The following ZNF197 variants were observed in gnomAD, a reference collection of about 807,000 sequenced individuals.
ZNF197 encodes zinc finger protein 197, also known as VHL-associated KRAB-A domain-containing protein.
Under a neutral mutation model 27.4 loss-of-function variants are expected in ZNF197, and 14 were observed. That is an observed-to-expected ratio of 0.51 (90% CI 0.34 to 0.80). ZNF197 has a LOEUF of 0.80. Among genes scored for constraint, ZNF197 ranks in the 30% least tolerant of loss-of-function variants. ZNF197 has a pLI of 0.02. For missense variants in ZNF197, 1,090 were observed against 1,222.6 expected, an observed-to-expected ratio of 0.89 and a Z score of 1.62; for synonymous variants, 415 against 420.0, an observed-to-expected ratio of 0.99 and a Z score of 0.15.
intron 1 of ZNF197, among the ~76,000 whole-genome samples, chr3:44,625,754 A>G (rs75260934): frequency 0.12 from 655 of 5,434 alleles, 3 homozygotes; most frequent in African/African-American, 0.17. Context: ...GCGCGCGCAC[A>G]CACACACACA....
chr3:44,628,288 T>C (rs1410013107), intron 1 of ZNF197, among the ~76,000 whole-genome samples: 1 of 152,238 alleles, frequency 6.6e-6, no homozygotes, highest in East Asian at 1.9e-4. Flanking sequence ...AAAAATGTTA[T>C]TTCTAAAGAG....
chr3:44,646,577 A>G lies in ZNF197; in HGVS notation c.*2357A>G, dbSNP rs190037367. 1,175 of 991,568 alleles carry G rather than the reference A, an allele frequency of 1.2e-3. 7 individuals carry two copies. The highest frequency in any genetic ancestry group is 2.8e-3 in the South Asian group (218 of 77,846). 61.4% of individuals were successfully genotyped at this position (991,568 alleles called of 1,614,324 possible). On this transcript the variant is annotated 3_prime_UTR_variant, in exon 6 of 6. Coordinates refer to ENST00000344387, the MANE Select transcript of ZNF197 (RefSeq NM_006991.5). The stretch of plus-strand genomic sequence containing the variant: ...CAGAACGTGGAATATTGCATAAGAA[A>G]GCTGCCCTGGATTCTTCAAAATATT...
intron 5 of ZNF197, among the ~76,000 whole-genome samples, chr3:44,635,477 G>A (rs1702232708): frequency 6.6e-6 from 1 of 152,114 alleles, no homozygotes; most frequent in African/African-American, 2.4e-5. Flanking sequence ...AGCAGAACAT[G>A]GTGTTTTGAC....
chr3:44,643,663 C>T lies in ZNF197; in HGVS notation c.2533C>T (p.Pro845Ser). 1 of 1,614,132 alleles carries T rather than the reference C, an allele frequency of 6.2e-7. No individual in the cohort carries two copies. The change falls in exon 6 of 6, where the codon CCC becomes TCC. Residue 845 changes from proline to serine, a missense_variant. Physicochemically the swap from Pro to Ser is moderately conservative, Grantham distance 74 (BLOSUM62 -1). Transcript: ENST00000344387. ...AHQRIHTGEKPYACSECGKGF... is the reference protein window; with the variant it reads ...AHQRIHTGEKSYACSECGKGF... ...TCAGAGGATCCATACTGGTGAGAAG[C>T]CCTATGCGTGTAGTGAGTGTGGAAA...
chr3:44,646,065 G>A lies in ZNF197; in HGVS notation c.*1845G>A. 1.0e-6 allele frequency: 1 copy of A among 985,376 alleles called. No homozygotes were observed. The highest frequency in any genetic ancestry group is 1.2e-6 in the Non-Finnish European group (1 of 829,926). 61.0% of individuals were successfully genotyped at this position (985,376 alleles called of 1,614,324 possible). On this transcript the variant is annotated 3_prime_UTR_variant, in exon 6 of 6. Coordinates refer to ENST00000344387, the MANE Select transcript of ZNF197 (RefSeq NM_006991.5). The stretch of plus-strand genomic sequence containing the variant: ...CAACCCCACAGTTTCTTGGGGGCTG[G>A]TTCCTCATTAGAGTGAAAGGTAGCC...
At chr3:44,638,913 C>T (rs1702452407) in intron 5 of ZNF197, among the ~76,000 whole-genome samples, 1 of 152,092 alleles carries the variant, frequency 6.6e-6, no homozygotes, top group African/African-American at 2.4e-5. Flanking sequence ...AGTGTCTCAC[C>T]ATGTTCCCCA....
rs1175586669 is a variant in ZNF197, at chr3:44,646,710, T to C, written c.*2490T>C. ...TTGTGTATGTATGAAAATTTCGATA[T>C]GAAAGGTATAAAACATGGATGAGGA... On this transcript the variant is annotated 3_prime_UTR_variant, in exon 6 of 6. Coordinates refer to ENST00000344387, the MANE Select transcript of ZNF197 (RefSeq NM_006991.5). 3.6e-6 allele frequency: 2 copies of C among 555,652 alleles called. No individual in the cohort carries two copies. Among genetic ancestry groups the C allele is most frequent in the Non-Finnish European group, 6.4e-6 (2 of 311,656 alleles). The allele number at this position is 555,652 out of a possible 1,614,324, so 34.4% of individuals were successfully genotyped here.
At chr3:44,638,883 T>A (rs941059217) in intron 5 of ZNF197, among the ~76,000 whole-genome samples, 4 of 152,156 alleles carry the variant, frequency 2.6e-5, no homozygotes, top group African/African-American at 9.7e-5. Context: ...TATTTTAATT[T>A]TATTTTTTTC....
In ZNF197 at chr3:44,644,878, TAAA is replaced by T. The variant is rs1702867672; in HGVS notation, c.*660_*662del. 1 of 965,496 alleles carries T rather than the reference TAAA, an allele frequency of 1.0e-6. No homozygotes were observed. Among genetic ancestry groups the T allele is most frequent in the Non-Finnish European group, 1.2e-6 (1 of 811,996 alleles). 59.8% of individuals were successfully genotyped at this position (965,496 alleles called of 1,614,324 possible). A position where few individuals can be genotyped will look rare whatever the true frequency, so the allele number is the denominator to read the frequency against. ...TAGTAAATAAAAATAAATTTATTAA[TAAA>T]ACTAAAAATTTAATAATAAAAAGTG... On this transcript the variant is annotated 3_prime_UTR_variant, in exon 6 of 6. Transcript: ENST00000344387.
rs1701830524 is a variant in ZNF197 at position 44,629,102 on chromosome 3, G to C, written c.-53G>C. On this transcript the variant is annotated 5_prime_UTR_variant, in exon 2 of 6. Coordinates refer to ENST00000344387, the MANE Select transcript of ZNF197 (RefSeq NM_006991.5). ...ATACTCTCCAAGCTGTAAGGAAGAA[G>C]TCAAGGATTAAGGAGACCTGGACTG... 5.8e-6 allele frequency: 9 copies of C among 1,541,502 alleles called. No individual in the cohort carries two copies. The highest frequency in any genetic ancestry group is 6.9e-6 in the Non-Finnish European group (8 of 1,152,088).
chr3:44,642,489 T>G lies in ZNF197; in HGVS notation c.1359T>G (p.Pro453=), dbSNP rs1702668642. 1.9e-6 allele frequency: 3 copies of G among 1,613,980 alleles called. 1 individual carries two copies. Among genetic ancestry groups the G allele is most frequent in the Admixed American group, 3.3e-5 (2 of 60,012 alleles). ...NHQRIHTGEK[P]YKCKECGKGF... ...AGAGGATCCACACTGGGGAGAAACC[T>G]TATAAGTGTAAGGAGTGTGGAAAGG... Residue 453 remains proline (P), a synonymous_variant, in exon 6 of 6, where the codon CCT becomes CCG. Transcript: ENST00000344387.
chr3:44,632,834 G>T (rs769911318), intron 5 of ZNF197, among the ~76,000 whole-genome samples: 1 of 152,084 alleles, frequency 6.6e-6, no homozygotes, highest in South Asian at 2.1e-4. Flanking sequence ...GTGTGTGTGT[G>T]TGTCTGTGCA....
intron 3 of ZNF197, among the ~76,000 whole-genome samples, 163 bp from the exon 4 acceptor site, chr3:44,631,942 C>A (rs2125800957): frequency 6.6e-6 from 1 of 152,158 alleles, no homozygotes; most frequent in East Asian, 1.9e-4. Context: ...ACCTTGGGAG[C>A]CACCCACCTC....
At chr3:44,632,020 A>T in intron 3 of ZNF197, 85 bp from the exon 4 acceptor site, 2 of 1,199,194 alleles carry the variant, frequency 1.7e-6, no homozygotes, top group Non-Finnish European at 2.5e-6. Context: ...TCTTACTGCT[A>T]CTCTTTGTGT....
At chr3:44,632,224 A>G (rs1211337670) in intron 4 of ZNF197, 28 bp downstream of exon 4, 1 of 1,610,438 alleles carries the variant, frequency 6.2e-7, no homozygotes, top group Middle Eastern at 1.7e-4. Flanking sequence ...TTTCCTTCCC[A>G]TCTGCACAGC....
Position 44,644,281 on chromosome 3 carries a change from T to C in ZNF197, c.*61T>C, listed in dbSNP as rs569908264. 4.3e-5 allele frequency: 65 copies of C among 1,520,734 alleles called. 1 individual carries two copies. In the South Asian group the frequency reaches 8.3e-4, roughly 19 times the overall value. 94.2% of individuals were successfully genotyped at this position (1,520,734 alleles called of 1,614,324 possible). On this transcript the variant is annotated 3_prime_UTR_variant, in exon 6 of 6. Transcript: ENST00000344387. ...TTAAGTAACTGTTGGACAAATGATA[T>C]ATATTTCTTCTAAGGAAAAAGTTTA...
At chr3:44,625,766 ACAC>A (rs1261425993) in intron 1 of ZNF197, among the ~76,000 whole-genome samples, 1 of 151,956 alleles carries the variant, frequency 6.6e-6, no homozygotes, top group African/African-American at 2.4e-5. Flanking sequence ...ACACACACAC[ACAC>A]ACACACACAC....
intron 1 of ZNF197, 45 bp from the exon 2 acceptor site, chr3:44,629,028 TG>T: frequency 7.0e-7 from 1 of 1,424,992 alleles, no homozygotes; most frequent in Non-Finnish European, 9.4e-7. Context: ...AAAGCTCAGT[TG>T]TTTCTCTGGG....
chr3:44,630,381 T>A (rs1328650000), intron 2 of ZNF197, among the ~76,000 whole-genome samples: 2 of 152,236 alleles, frequency 1.3e-5, no homozygotes, highest in Non-Finnish European at 2.9e-5. Context: ...TAGATTGGGA[T>A]CTTAATGTAG....
Sources: allele counts gnomAD v4.1 joint callset (sites outside exome capture counted in the v4.1 genomes callset), GRCh38; gene constraint gnomAD v4.1.1; transcripts MANE v1.5; gene names NCBI Gene and HGNC (gene_info 2026-07-23, HGNC 2026-07-21).